The following ROBO1 variants were observed in gnomAD, a reference collection of about 807,000 sequenced individuals.
ROBO1 encodes roundabout guidance receptor 1.
In ROBO1, 149 loss-of-function variants were observed where a neutral mutation model predicts 195.9. The observed-to-expected ratio is 0.76, with a 90% confidence interval of 0.67 to 0.87. The LOEUF is 0.87. ROBO1 is among the 40% of genes least tolerant of loss of function. ROBO1 has a pLI of 0.00. For synonymous variants in ROBO1, 816 were observed against 733.2 expected (o/e 1.11, Z -1.82); for missense variants, 1,933 against 2,068.3 (o/e 0.93, Z 1.27).
In ROBO1 at chr3:79,052,577, C is replaced by T. The variant is rs562274105; in HGVS notation, c.172+72879G>A. Among the ~76,000 whole-genome samples, 3 of 152,216 alleles carry T rather than the reference C, an allele frequency of 2.0e-5. No individual in the cohort carries two copies. In the South Asian group the frequency reaches 6.2e-4, roughly 32 times the overall value. On this transcript the variant is annotated intron_variant, in intron 3 of 30. Coordinates refer to ENST00000464233, the MANE Select transcript of ROBO1 (RefSeq NM_002941.4). Reference sequence around the variant, plus strand: ...TCCTAATAGAAACTTGCTGGTTTTGCAGCTCAGGGGGAATCACAGAACCTG... The same window carrying T: ...TCCTAATAGAAACTTGCTGGTTTTGTAGCTCAGGGGGAATCACAGAACCTG...
chr3:78,943,243 T>C (rs374619094), intron 3 of ROBO1, among the ~76,000 whole-genome samples: 1 of 152,092 alleles, frequency 6.6e-6, no homozygotes, highest in Non-Finnish European at 1.5e-5. Flanking sequence ...GTTTTTGTTT[T>C]GTTTTGTTTT....
chr3:78,882,186 T>G (rs942708510), intron 4 of ROBO1, among the ~76,000 whole-genome samples: 3 of 152,164 alleles, frequency 2.0e-5, no homozygotes, highest in African/African-American at 7.2e-5. Flanking sequence ...AGGGCTACAT[T>G]TGGAGAAGGT....
At chr3:79,114,698 T>G (rs977061083) in intron 3 of ROBO1, among the ~76,000 whole-genome samples, 4 of 152,204 alleles carry the variant, frequency 2.6e-5, no homozygotes, top group South Asian at 4.1e-4. Context: ...GGACATTCTC[T>G]CCAAAGTGAA....
At chr3:79,183,671 G>C (rs1443920332) in intron 2 of ROBO1, among the ~76,000 whole-genome samples, 1 of 152,202 alleles carries the variant, frequency 6.6e-6, no homozygotes, top group Non-Finnish European at 1.5e-5. Flanking sequence ...GACAAGAAAG[G>C]ACCTGCTTAA....
chr3:79,648,591 A>C (rs1945904583), intron 1 of ROBO1, among the ~76,000 whole-genome samples: 1 of 152,054 alleles, frequency 6.6e-6, no homozygotes, highest in African/African-American at 2.4e-5. Context: ...GAGATTTAGA[A>C]ATGAGAGAAA....
chr3:78,928,480 T>C (rs534956945), intron 4 of ROBO1, among the ~76,000 whole-genome samples: 2 of 152,270 alleles, frequency 1.3e-5, no homozygotes, highest in South Asian at 4.1e-4. Context: ...TGTTAAGAAA[T>C]TGACCTTATT....
chr3:78,987,013 A>G (rs1018010683), intron 3 of ROBO1, among the ~76,000 whole-genome samples: 1 of 151,924 alleles, frequency 6.6e-6, no homozygotes, highest in Non-Finnish European at 1.5e-5. Context: ...CAAACTTTTC[A>G]CTAGTGAGTA....
chr3:78,690,773 A>G (rs1044242201), intron 8 of ROBO1, among the ~76,000 whole-genome samples: 1 of 152,136 alleles, frequency 6.6e-6, no homozygotes, highest in Non-Finnish European at 1.5e-5. Flanking sequence ...GAATTTGAGT[A>G]GGAAAATATA....
intron 10 of ROBO1, among the ~76,000 whole-genome samples, chr3:78,684,356 GAA>G (rs1358998093): frequency 6.6e-6 from 1 of 152,078 alleles, no homozygotes; most frequent in African/African-American, 2.4e-5. Flanking sequence ...ATAAAAGTCA[GAA>G]AAGTTATTAT....
intron 1 of ROBO1, among the ~76,000 whole-genome samples, chr3:79,741,256 G>T (rs1195166060): frequency 6.6e-6 from 1 of 152,144 alleles, no homozygotes; most frequent in Non-Finnish European, 1.5e-5. Context: ...TAATTCTGGT[G>T]TTAACGATTA....
chr3:79,600,655 T>G (rs142758276), intron 1 of ROBO1, among the ~76,000 whole-genome samples: 22 of 151,980 alleles, frequency 1.4e-4, no homozygotes, highest in African/African-American at 5.3e-4. Context: ...GCTGATTTTT[T>G]TTTTCACTTT....
Position 79,585,007 on chromosome 3 carries a change from G to A in ROBO1, c.88+4817C>T, listed in dbSNP as rs375116276. 8.2e-4 allele frequency among the ~76,000 whole-genome samples: 124 copies of A among 151,832 alleles called. 3 individuals are homozygous for A. In the South Asian group the frequency reaches 0.025, roughly 31 times the overall value. On this transcript the variant is annotated intron_variant, in intron 2 of 30. Coordinates refer to ENST00000464233, the MANE Select transcript of ROBO1 (RefSeq NM_002941.4). ...ATCTTATATTATGATTTTCTTCTAT[G>A]AGATTTATATAATGTGTAAAGGTAA...
chr3:78,955,735 A>G (rs907290329), intron 3 of ROBO1, among the ~76,000 whole-genome samples: 5 of 152,310 alleles, frequency 3.3e-5, no homozygotes, highest in African/African-American at 1.2e-4. Context: ...GCAAGATAGC[A>G]TATGGGATTG....
At chr3:79,050,520 C>T (rs1576613496) in intron 3 of ROBO1, among the ~76,000 whole-genome samples, 3 of 152,076 alleles carry the variant, frequency 2.0e-5, no homozygotes, top group Admixed American at 6.6e-5. Flanking sequence ...ATATCCAGGA[C>T]TTGAACTCAG....
chr3:79,713,376 A>G (rs1702349600), intron 1 of ROBO1, among the ~76,000 whole-genome samples: 1 of 152,042 alleles, frequency 6.6e-6, no homozygotes, highest in Admixed American at 6.6e-5. Flanking sequence ...CTTCTGGAAA[A>G]ATTCACAATT....
At position 79,617,926 on chromosome 3, in the gene ROBO1, A is replaced by T. The variant is rs372149886; in HGVS notation, c.-50-27965T>A. On this transcript the variant is annotated intron_variant, in intron 1 of 30. Transcript: ENST00000464233. Reference sequence around the variant, plus strand: ...AATTGACTAAAGAGATATATTAAAAAAAAAAAAAAGAACTTCTGGAAATAA... The same window carrying T: ...AATTGACTAAAGAGATATATTAAAATAAAAAAAAAGAACTTCTGGAAATAA... Among the ~76,000 whole-genome samples the T allele has an allele frequency of 7.9e-4, 119 of 150,090 alleles. 1 individual carries two copies. Among genetic ancestry groups the T allele is most frequent in the South Asian group, 2.3e-3 (11 of 4,774 alleles).
intron 2 of ROBO1, among the ~76,000 whole-genome samples, chr3:79,510,341 C>A (rs531857846): frequency 3.9e-5 from 6 of 152,082 alleles, no homozygotes; most frequent in African/African-American, 1.4e-4. Context: ...TGAAGAGGTG[C>A]CTTCTGCCAT....
chr3:78,968,534 T>C (rs1478736406), intron 3 of ROBO1, among the ~76,000 whole-genome samples: 1 of 151,924 alleles, frequency 6.6e-6, no homozygotes, highest in African/African-American at 2.4e-5. Context: ...TACCTGGGCT[T>C]CTCAAAGTGC....
At chr3:79,213,180 G>A (rs1051951718) in intron 2 of ROBO1, among the ~76,000 whole-genome samples, 2 of 151,948 alleles carry the variant, frequency 1.3e-5, no homozygotes, top group South Asian at 2.1e-4. Context: ...TGGAGGTGGA[G>A]GTTGCAGTGA....
Sources: gnomAD v4.1 joint callset for allele counts (sites outside exome capture counted in the v4.1 genomes callset) on GRCh38, gnomAD v4.1.1 for gene constraint, MANE v1.5 for transcripts, NCBI Gene and HGNC (gene_info 2026-07-23, HGNC 2026-07-21) for gene names.